PTPRA: variants seen among roughly 807,000 people sequenced by gnomAD.
PTPRA encodes protein tyrosine phosphatase receptor type A, also known as receptor-type tyrosine-protein phosphatase alpha.
PTPRA carries 25 observed loss-of-function variants against 104.8 expected under a neutral mutation model. That is an observed-to-expected ratio of 0.24 (90% CI 0.17 to 0.33). PTPRA has a LOEUF of 0.33. Among genes scored for constraint, PTPRA ranks in the 10% least tolerant of loss-of-function variants. PTPRA has a pLI of 1.00. For missense variants in PTPRA, 765 were observed against 1,015.3 expected, an observed-to-expected ratio of 0.75 and a Z score of 3.35; for synonymous variants, 323 against 368.9, an observed-to-expected ratio of 0.88 and a Z score of 1.43.
At chr20:3,032,582 ATGG>A (rs1568710480) in intron 20 of PTPRA, among the ~76,000 whole-genome samples, 23 of 151,774 alleles carry the variant, frequency 1.5e-4, no homozygotes, top group South Asian at 4.2e-4. Context: ...CCTGGCCAAC[ATGG>A]CAAAACCCCA....
rs2064890401 is a variant in PTPRA at position 3,021,932 on chromosome 20, A to C, written c.1162-122A>C. On this transcript the variant is annotated intron_variant, in intron 14 of 23. Transcript: ENST00000399903. Reference sequence around the variant, plus strand: ...TGAGACCTTGTGTCTGTGGTTAACTAACTCCCCTGGGTACACTTACTTTTC... The same window carrying C: ...TGAGACCTTGTGTCTGTGGTTAACTCACTCCCCTGGGTACACTTACTTTTC... 3.1e-6 allele frequency: 4 copies of C among 1,274,966 alleles called. No individual in the cohort carries two copies. In the South Asian group the frequency reaches 5.9e-5, roughly 19 times the overall value. 79.0% of individuals were successfully genotyped at this position (1,274,966 alleles called of 1,614,324 possible).
At chr20:2,929,950 C>A (rs1385902598) in intron 2 of PTPRA, among the ~76,000 whole-genome samples, 1 of 152,094 alleles carries the variant, frequency 6.6e-6, no homozygotes, top group Non-Finnish European at 1.5e-5. Flanking sequence ...GAAACAAATA[C>A]ACAGAGGAAT....
At chr20:2,913,335 G>A (rs1720129933) in intron 1 of PTPRA, among the ~76,000 whole-genome samples, 1 of 151,998 alleles carries the variant, frequency 6.6e-6, no homozygotes, top group Non-Finnish European at 1.5e-5. Context: ...CTGAGATTGT[G>A]TCACTGCATT....
chr20:2,870,078 C>G (rs952510014), upstream of PTPRA, among the ~76,000 whole-genome samples: 39 of 25,116 alleles, frequency 1.6e-3, no homozygotes, highest in African/African-American at 0.022. Context: ...GTGAAAGACT[C>G]TTGGGGTTGG....
chr20:2,984,678 C>A (rs2062826416), intron 6 of PTPRA, among the ~76,000 whole-genome samples: 1 of 152,196 alleles, frequency 6.6e-6, no homozygotes, highest in African/African-American at 2.4e-5. Flanking sequence ...ACAATCATTA[C>A]AATGGACTCC....
At chr20:2,868,310 C>CTTTTTTTTTTTTTTTT in the PTPRA span, among the ~76,000 whole-genome samples, 2 of 104,158 alleles carry the variant, frequency 1.9e-5, no homozygotes, top group African/African-American at 4.1e-5. Context: ...GACTCCACCT[C>CTTTTTTTTTTTTTTTT]TTTTTTTTTT....
At chr20:2,923,720 A>T (rs2060184884) in intron 2 of PTPRA, among the ~76,000 whole-genome samples, 1 of 152,078 alleles carries the variant, frequency 6.6e-6, no homozygotes, top group African/African-American at 2.4e-5. Flanking sequence ...GATCCCTTGA[A>T]CCCAGGAGAC....
chr20:3,004,983 G>T, intron 9 of PTPRA, 73 bp from the exon 10 acceptor site: 2 of 1,347,856 alleles, frequency 1.5e-6, no homozygotes, highest in Non-Finnish European at 2.1e-6. Flanking sequence ...CCAGGTCAGG[G>T]TTTGGTGCAG....
chr20:2,921,632 C>A (rs974736199), intron 1 of PTPRA, among the ~76,000 whole-genome samples: 3 of 151,868 alleles, frequency 2.0e-5, no homozygotes, highest in African/African-American at 7.3e-5. Flanking sequence ...TCAGTGTGAA[C>A]GTGAATGTTA....
intron 5 of PTPRA, among the ~76,000 whole-genome samples, chr20:2,967,190 G>A (rs1346438726): frequency 2.0e-5 from 3 of 152,160 alleles, no homozygotes; most frequent in African/African-American, 7.2e-5. Flanking sequence ...TGCTTGTAGG[G>A]AACTTAGTTT....
At chr20:2,946,462 TGAG>T (rs1243766329) in intron 2 of PTPRA, among the ~76,000 whole-genome samples, 1 of 152,120 alleles carries the variant, frequency 6.6e-6, no homozygotes, top group Admixed American at 6.6e-5. Flanking sequence ...AGAGAGCACA[TGAG>T]GAGAGAGACT....
the PTPRA span, chr20:2,865,165 G>T: frequency 1.2e-6 from 2 of 1,614,150 alleles, no homozygotes; most frequent in Admixed American, 1.7e-5. This position sits in a 1 kb window ranked among gnomAD's most constrained non-coding sequence, Gnocchi z 5.2. Context: ...AGGATCAAAT[G>T]CGGCTCCTAC....
At chr20:2,927,188 G>A (rs772778134) in intron 2 of PTPRA, among the ~76,000 whole-genome samples, 2 of 152,118 alleles carry the variant, frequency 1.3e-5, no homozygotes, top group Non-Finnish European at 2.9e-5. Context: ...GATTACAGTC[G>A]TGAGTGCCGC....
chr20:2,897,033 G>A (rs2147054628), intron 1 of PTPRA, among the ~76,000 whole-genome samples: 1 of 152,288 alleles, frequency 6.6e-6, no homozygotes, highest in East Asian at 1.9e-4. Context: ...ATTTGTGGCA[G>A]GAATACCAAA....
In PTPRA at chr20:3,021,183, A is replaced by G. The variant is rs1238000826; in HGVS notation, c.1042-126A>G. On this transcript the variant is annotated intron_variant, in intron 13 of 23. Coordinates refer to ENST00000399903, the MANE Select transcript of PTPRA (RefSeq NM_001385305.1). ...GTAAGTGTGCAACTGACTGAGATAG[A>G]GAAGAGGTCAAAGGGCCTTCTGGGG... The G allele has an allele frequency of 2.3e-6, 3 of 1,299,084 alleles. No homozygotes were observed. In the East Asian group the frequency reaches 7.2e-5, roughly 31 times the overall value. The allele number at this position is 1,299,084 out of a possible 1,614,324, so 80.5% of individuals were successfully genotyped here.
At chr20:2,990,232 A>G (rs903224700) in intron 9 of PTPRA, among the ~76,000 whole-genome samples, 1 of 152,208 alleles carries the variant, frequency 6.6e-6, no homozygotes, top group Admixed American at 6.5e-5. Flanking sequence ...TTGCTAAACC[A>G]TCAGTTTCCT....
chr20:2,867,232 A>G, the PTPRA span, among the ~76,000 whole-genome samples: 13 of 152,298 alleles, frequency 8.5e-5, no homozygotes, highest in South Asian at 4.1e-4. Context: ...CAAGGCCCCA[A>G]TTTGCACTGC....
the PTPRA span, among the ~76,000 whole-genome samples, chr20:2,867,534 CA>C: frequency 1.3e-5 from 2 of 149,236 alleles, no homozygotes; most frequent in Non-Finnish European, 3.0e-5. Context: ...GTTGGCACTC[CA>C]GTGCACCCCC....
At chr20:2,921,322 C>CTTTT (rs11477373) in intron 1 of PTPRA, among the ~76,000 whole-genome samples, 8 of 103,956 alleles carry the variant, frequency 7.7e-5, no homozygotes, top group South Asian at 3.3e-4. Context: ...TGGGAATGCG[C>CTTTT]TTTTTTTTTT....
Sources: allele counts gnomAD v4.1 joint callset (sites outside exome capture counted in the v4.1 genomes callset), GRCh38; gene constraint gnomAD v4.1.1; non-coding constraint Gnocchi (gnomAD v3.1); transcripts MANE v1.5; gene names NCBI Gene and HGNC (gene_info 2026-07-23, HGNC 2026-07-21).